Variants in API5 observed in about 807,000 individuals in gnomAD.
The protein encoded by API5 is FIF.
A neutral mutation model predicts 71.9 loss-of-function variants in API5; 6 were observed. That is an observed-to-expected ratio of 0.08 (90% CI 0.05 to 0.16). The LOEUF (loss-of-function observed/expected upper bound fraction) is 0.16, where lower values mean the gene tolerates loss of function less well. API5 is among the 10% of genes least tolerant of loss of function. The probability of loss-of-function intolerance (pLI) is 1.00; values close to 1 mark genes in which losing one functional copy is unlikely to be tolerated. For synonymous variants in API5, 189 were observed against 221.3 expected, an observed-to-expected ratio of 0.85 and a Z score of 1.30; for missense variants, 332 against 612.8, an observed-to-expected ratio of 0.54 and a Z score of 4.84.
intron 11 of API5, among the ~76,000 whole-genome samples, chr11:43,332,823 G>A (rs1291314172): frequency 6.6e-6 from 1 of 152,110 alleles, no homozygotes; most frequent in Non-Finnish European, 1.5e-5. Context: ...CTCCTCCCTG[G>A]AGGTGGGGTT....
chr11:43,332,601 C>T (rs963271096), intron 11 of API5, among the ~76,000 whole-genome samples: 2 of 152,032 alleles, frequency 1.3e-5, no homozygotes, highest in Admixed American at 1.3e-4. Context: ...AGTTTCCATC[C>T]CTATGGAGTT....
intron 13 of API5, among the ~76,000 whole-genome samples, chr11:43,337,645 G>A (rs1409572133): frequency 6.6e-6 from 1 of 152,176 alleles, no homozygotes; most frequent in African/African-American, 2.4e-5. Context: ...AAAGTATTTT[G>A]TAAGGGGAAA....
At chr11:43,336,087 G>C (rs950066481) in intron 13 of API5, 93 bp downstream of exon 13, 13 of 1,453,746 alleles carry the variant, frequency 8.9e-6, no homozygotes, top group South Asian at 1.4e-5. Flanking sequence ...ACAGTGTCAT[G>C]GTTCTATCCA....
At chr11:43,330,148 C>A in intron 10 of API5, 90 bp downstream of exon 10, 1 of 1,045,268 alleles carries the variant, frequency 9.6e-7, no homozygotes, top group South Asian at 1.4e-5. Flanking sequence ...TCCCTTATCT[C>A]ACCTAATTTA....
At chr11:43,314,195 ATT>A (rs1165769062) in intron 1 of API5, among the ~76,000 whole-genome samples, 3 of 152,130 alleles carry the variant, frequency 2.0e-5, no homozygotes, top group Admixed American at 6.5e-5. Flanking sequence ...CAATCGTATA[ATT>A]TATCTGTGAC....
chr11:43,326,783 A>T (rs1855091330), intron 7 of API5, among the ~76,000 whole-genome samples, 172 bp downstream of exon 7: 1 of 152,238 alleles, frequency 6.6e-6, no homozygotes, highest in African/African-American at 2.4e-5. Context: ...TCATGGATTC[A>T]ATTAAAGTTT....
At chr11:43,313,714 A>C (rs1854573402) in intron 1 of API5, among the ~76,000 whole-genome samples, 1 of 152,194 alleles carries the variant, frequency 6.6e-6, no homozygotes, top group Admixed American at 6.5e-5. Context: ...TTTATCAGTA[A>C]GAAATGTATA....
chr11:43,342,521 A>G lies in API5; in HGVS notation c.*11A>G, dbSNP rs766596374. 5.1e-5 allele frequency: 83 copies of G among 1,611,974 alleles called. No individual in the cohort carries two copies. The highest frequency in any genetic ancestry group is 6.4e-5 in the Non-Finnish European group (75 of 1,178,228). ...GGAAGACTCTACTGAATAAGACATC[A>G]GCATTCTTCAGCATTGTCATGAGCT... On this transcript the variant is annotated 3_prime_UTR_variant, in exon 14 of 14. Transcript: ENST00000531273.
Position 43,332,939 on chromosome 11 carries a change from A to G in API5, c.1279-2339A>G, listed in dbSNP as rs117963346. Among the ~76,000 whole-genome samples the G allele has an allele frequency of 2.1e-3, 327 of 152,244 alleles. 1 individual carries two copies. The highest frequency in any genetic ancestry group is 3.7e-3 in the Non-Finnish European group (252 of 68,016). ...TCCAAAAATCACCTCATTAATATAAACTCAGGTGTGGTTGAAAGATGCTTC... is the reference window on the plus strand; with the variant it reads ...TCCAAAAATCACCTCATTAATATAAGCTCAGGTGTGGTTGAAAGATGCTTC... On this transcript the variant is annotated intron_variant, in intron 11 of 13. Coordinates refer to ENST00000531273, the MANE Select transcript of API5 (RefSeq NM_001142930.2).
At chr11:43,313,346 A>G (rs946051018) in intron 1 of API5, among the ~76,000 whole-genome samples, 7 of 152,122 alleles carry the variant, frequency 4.6e-5, no homozygotes, top group Non-Finnish European at 8.8e-5. Flanking sequence ...ATTGAACTTG[A>G]TAAGTGGTTG....
intron 10 of API5, 132 bp from the exon 11 acceptor site, chr11:43,330,376 A>G: frequency 1.3e-6 from 1 of 758,170 alleles, no homozygotes. Context: ...CTATAGATTT[A>G]AACCAAGGAA....
rs1172170734 is a variant in API5 at position 43,330,024 on chromosome 11, A to G, written c.1187A>G (p.Gln396Arg). The G allele has an allele frequency of 3.1e-6, 5 of 1,613,896 alleles. No homozygotes were observed. The highest frequency in any genetic ancestry group is 4.2e-6 in the Non-Finnish European group (5 of 1,179,848). ...ATCAGACAACTTCGCTTAGCTCTCC[A>G]GGGTAAAACGGGTGAGGCCTTAAAA... ...VYIRQLRLAL[Q>R]GKTGEALKTE... Residue 396 changes from glutamine (Q) to arginine (R), a missense_variant, in exon 10 of 14, where the codon CAG becomes CGG. This residue lies in a region of API5 where 168 missense variants were observed against 343.9 expected (regional missense o/e 0.49). Transcript: ENST00000531273.
intron 13 of API5, among the ~76,000 whole-genome samples, chr11:43,336,865 A>T (rs1590271248): frequency 6.6e-6 from 1 of 151,880 alleles, no homozygotes; most frequent in African/African-American, 2.4e-5. Flanking sequence ...AAAATTTGCC[A>T]GGTGTGGTGG....
Position 43,342,876 on chromosome 11 carries a change from T to G in API5, c.*366T>G. 1 of 521,704 alleles carries G rather than the reference T, an allele frequency of 1.9e-6. No homozygotes were observed. The highest frequency in any genetic ancestry group is 3.4e-6 in the Non-Finnish European group (1 of 296,774). 32.3% of individuals were successfully genotyped at this position (521,704 alleles called of 1,614,324 possible). A position where few individuals can be genotyped will look rare whatever the true frequency, so the allele number is the denominator to read the frequency against. On this transcript the variant is annotated 3_prime_UTR_variant, in exon 14 of 14. Transcript: ENST00000531273. The stretch of plus-strand genomic sequence containing the variant: ...ATAAAGATCATCAGTTTTGAAAGGT[T>G]ACTGATTTTCCTCTTCCCTCTTAGT...
intron 10 of API5, 149 bp from the exon 11 acceptor site, chr11:43,330,359 G>T (rs1400967921): frequency 1.4e-6 from 1 of 692,624 alleles, no homozygotes; most frequent in African/African-American, 1.8e-5. Flanking sequence ...ATAGGAATAC[G>T]CATTATCTAT....
Position 43,326,566 on chromosome 11 carries a change from C to T in API5, c.810C>T (p.Leu270=), listed in dbSNP as rs756261606. The T allele has an allele frequency of 1.9e-6, 3 of 1,610,614 alleles. No individual in the cohort carries two copies. Among genetic ancestry groups the T allele is most frequent in the Non-Finnish European group, 2.5e-6 (3 of 1,178,212 alleles). ...TYFCEQVLPN[L]GTLTTPVEGL... ...TCTGTGAGCAGGTTCTCCCTAACCT[C>T]GGTACCTTGACTACCCCAGTGGAAG... Residue 270 remains leucine (L), a synonymous_variant, in exon 7 of 14, where the codon CTC becomes CTT. Coordinates refer to ENST00000531273, the MANE Select transcript of API5 (RefSeq NM_001142930.2).
chr11:43,320,219 T>C (rs910703916), intron 2 of API5, among the ~76,000 whole-genome samples: 22 of 151,756 alleles, frequency 1.4e-4, no homozygotes, highest in African/African-American at 4.8e-4. Context: ...CTAATTTTTG[T>C]ATTTTTAGTA....
At chr11:43,319,697 G>T (rs1230081843) in intron 2 of API5, among the ~76,000 whole-genome samples, 1 of 152,152 alleles carries the variant, frequency 6.6e-6, no homozygotes, top group East Asian at 1.9e-4. Context: ...ACAGGCGTGA[G>T]CCACCTCATC....
Position 43,335,966 on chromosome 11 carries a change from T to C in API5, c.1464T>C (p.Tyr488=), listed in dbSNP as rs377223822. The change falls in exon 13 of 14, where the codon TAT becomes TAC. Residue 488 remains tyrosine, a synonymous_variant. Transcript: ENST00000531273. ...RQIYNPPSGK[Y]SSNLGNFNYE... Reference sequence around the variant, plus strand: ...TTTATAACCCTCCCAGTGGGAAATATAGCAGCAATTTGGGCAACTTTAATT... The same window carrying C: ...TTTATAACCCTCCCAGTGGGAAATACAGCAGCAATTTGGGCAACTTTAATT... 30 of 1,614,084 alleles carry C rather than the reference T, an allele frequency of 1.9e-5. No individual in the cohort carries two copies. Among genetic ancestry groups the C allele is most frequent in the Admixed American group, 5.0e-5 (3 of 60,004 alleles).
Sources: gnomAD v4.1 joint callset for allele counts (sites outside exome capture counted in the v4.1 genomes callset) on GRCh38, gnomAD v4.1.1 for gene constraint, gnomAD v4.1.1 regional missense constraint, MANE v1.5 for transcripts, NCBI Gene and HGNC (gene_info 2026-07-23, HGNC 2026-07-21) for gene names.